RANBP17: variants seen among roughly 807,000 people sequenced by gnomAD.
RANBP17 encodes the protein ran-binding protein 17.
A neutral mutation model predicts 141.2 loss-of-function variants in RANBP17; 158 were observed. The observed-to-expected ratio is 1.12, with a 90% CI of 0.98 to 1.28. The LOEUF is 1.28. Ranked by LOEUF, RANBP17 falls within the 50% of genes most tolerant of loss-of-function variation. The pLI is 0.00. For missense variants in RANBP17, 1,438 were observed against 1,290.7 expected (o/e 1.11, Z -1.75); for synonymous variants, 430 against 450.0 (o/e 0.96, Z 0.56).
At chr5:171,027,512 G>A (rs4555841) in intron 14 of RANBP17, among the ~76,000 whole-genome samples, 86,526 of 151,696 alleles carry the variant, frequency 0.57, 26,829 homozygotes, top group South Asian at 0.8. Flanking sequence ...GTTTTGCAAC[G>A]TGCCTTCATA....
At chr5:171,002,314 G>T (rs144511073) in intron 14 of RANBP17, among the ~76,000 whole-genome samples, 1,767 of 151,560 alleles carry the variant, frequency 0.012, 31 homozygotes, top group African/African-American at 0.041. Flanking sequence ...TGAGAAGGAG[G>T]AAAACTGGCC....
intron 4 of RANBP17, among the ~76,000 whole-genome samples, chr5:170,895,032 C>G (rs540859513): frequency 6.6e-5 from 10 of 152,096 alleles, no homozygotes; most frequent in Non-Finnish European, 1.3e-4. Flanking sequence ...GTCAGGGTAC[C>G]ACACTTTGGG....
At chr5:171,131,950 A>G (rs1022392960) in intron 14 of RANBP17, among the ~76,000 whole-genome samples, 1 of 152,346 alleles carries the variant, frequency 6.6e-6, no homozygotes, top group East Asian at 1.9e-4. Flanking sequence ...TAAGTTGCAG[A>G]GCTGCTACTG....
At chr5:171,192,867 A>G (rs1308141756) in intron 18 of RANBP17, among the ~76,000 whole-genome samples, 2 of 152,212 alleles carry the variant, frequency 1.3e-5, no homozygotes, top group African/African-American at 2.4e-5. Context: ...GCCACAGGTC[A>G]TTTCAAAACT....
intron 14 of RANBP17, among the ~76,000 whole-genome samples, chr5:171,130,839 G>A (rs776349388): frequency 2.2e-4 from 34 of 152,212 alleles, no homozygotes; most frequent in South Asian, 4.1e-4. Context: ...AAGTTATGTT[G>A]TGAAGATGAA....
chr5:170,991,424 G>A (rs1778500563), intron 14 of RANBP17, among the ~76,000 whole-genome samples: 1 of 151,936 alleles, frequency 6.6e-6, no homozygotes, highest in South Asian at 2.1e-4. Context: ...TGCTTGTAAA[G>A]GTAGTCACCG....
chr5:171,222,310 A>T (rs1763615236), intron 22 of RANBP17, among the ~76,000 whole-genome samples: 1 of 152,204 alleles, frequency 6.6e-6, no homozygotes, highest in Admixed American at 6.5e-5. Flanking sequence ...TGTCCTATTC[A>T]ATTAAAGTCC....
chr5:170,983,963 C>T (rs1777942062), intron 14 of RANBP17, among the ~76,000 whole-genome samples: 1 of 152,146 alleles, frequency 6.6e-6, no homozygotes, highest in African/African-American at 2.4e-5. Flanking sequence ...TAAAGCTCTA[C>T]ATTGGAAGAA....
chr5:171,245,877 C>CTTT (rs778868859), intron 24 of RANBP17, among the ~76,000 whole-genome samples: 2 of 134,288 alleles, frequency 1.5e-5, no homozygotes, highest in African/African-American at 2.8e-5. Context: ...TCTTCTCATA[C>CTTT]TTTTTTTTTT....
intron 14 of RANBP17, 33 bp from the exon 15 acceptor site, chr5:171,170,096 GT>G: frequency 2.5e-6 from 3 of 1,190,336 alleles, no homozygotes; most frequent in Non-Finnish European, 3.6e-6. Context: ...TATGTTAATA[GT>G]AAAACTTTTA....
intron 14 of RANBP17, among the ~76,000 whole-genome samples, chr5:171,047,260 C>T (rs1409009857): frequency 5.3e-5 from 8 of 151,774 alleles, no homozygotes; most frequent in African/African-American, 1.9e-4. Context: ...TCATGTGATC[C>T]ACCCACCTCG....
intron 14 of RANBP17, among the ~76,000 whole-genome samples, chr5:171,105,797 C>T (rs975242553): frequency 3.3e-5 from 5 of 152,094 alleles, no homozygotes; most frequent in African/African-American, 1.2e-4. Flanking sequence ...TTTTTTTAGA[C>T]ATTAGTCTGA....
At chr5:171,148,188 G>T (rs182199372) in intron 14 of RANBP17, among the ~76,000 whole-genome samples, 35 of 152,160 alleles carry the variant, frequency 2.3e-4, no homozygotes, top group African/African-American at 8.2e-4. Context: ...ATGCTTGAAG[G>T]CAGCATGCTC....
intron 14 of RANBP17, among the ~76,000 whole-genome samples, chr5:171,112,163 A>T (rs1377792763): frequency 1.3e-5 from 2 of 152,148 alleles, no homozygotes; most frequent in Non-Finnish European, 2.9e-5. Flanking sequence ...CATGGTGGAT[A>T]CATGGAGTCA....
chr5:171,120,122 A>G (rs563677568), intron 14 of RANBP17, among the ~76,000 whole-genome samples: 1 of 151,770 alleles, frequency 6.6e-6, no homozygotes, highest in African/African-American at 2.4e-5. Context: ...TTTATCAGAC[A>G]GAGCGGCTCC....
At chr5:170,867,375 A>G (rs1226793941) in intron 1 of RANBP17, among the ~76,000 whole-genome samples, 3 of 152,110 alleles carry the variant, frequency 2.0e-5, no homozygotes, top group East Asian at 1.9e-4. Flanking sequence ...ACAAGAGCCT[A>G]TTTTTCAGGA....
chr5:170,878,198 T>C lies in RANBP17; in HGVS notation c.120T>C (p.Ser40=). Residue 40 remains serine (S), a synonymous_variant, in exon 2 of 28, where the codon AGT becomes AGC. Coordinates refer to ENST00000523189, the MANE Select transcript of RANBP17 (RefSeq NM_022897.5). ...AEKALLELID[S]PECLSKCQLL... is the part of the protein sequence containing the mutation. ...AAGCACTCTTGGAACTTATTGACAG[T>C]CCAGAATGTCTCAGCAAGTGTCAAC... 6.2e-7 allele frequency: 1 copy of C among 1,612,424 alleles called. No individual in the cohort carries two copies. Among genetic ancestry groups the C allele is most frequent in the Non-Finnish European group, 8.5e-7 (1 of 1,179,254 alleles).
intron 4 of RANBP17, among the ~76,000 whole-genome samples, chr5:170,894,000 A>G (rs1051651186): frequency 6.6e-6 from 1 of 152,160 alleles, no homozygotes; most frequent in African/African-American, 2.4e-5. Flanking sequence ...AAACCTCAGA[A>G]TATGAAATGC....
chr5:171,021,947 GT>G (rs1178839120), intron 14 of RANBP17, among the ~76,000 whole-genome samples: 2 of 152,082 alleles, frequency 1.3e-5, no homozygotes, highest in African/African-American at 2.4e-5. Flanking sequence ...CTTGAATGGG[GT>G]TTTTCTGTGG....
Sources: gnomAD v4.1 joint callset for allele counts (sites outside exome capture counted in the v4.1 genomes callset) on GRCh38, gnomAD v4.1.1 for gene constraint, MANE v1.5 for transcripts, NCBI Gene and HGNC (gene_info 2026-07-23, HGNC 2026-07-21) for gene names.